Variants in ANK3 observed in about 807,000 individuals in gnomAD.
The protein encoded by ANK3 is ankyrin-3.
In ANK3, 57 loss-of-function variants were observed where a neutral mutation model predicts 370.9. The observed-to-expected ratio is 0.15, with a 90% CI of 0.12 to 0.19. ANK3 has a LOEUF of 0.19. Ranked by LOEUF, ANK3 falls within the 10% of genes least tolerant of loss-of-function variation. ANK3 has a pLI of 1.00. For missense variants in ANK3, 4,439 were observed against 5,302.1 expected (o/e 0.84, Z 5.06); for synonymous variants, 1,929 against 1,946.3 (o/e 0.99, Z 0.23).
intron 1 of ANK3, among the ~76,000 whole-genome samples, chr10:60,647,510 C>T (rs1021333892): frequency 6.6e-6 from 1 of 151,740 alleles, no homozygotes; most frequent in Non-Finnish European, 1.5e-5. Flanking sequence ...ATTTAAAATG[C>T]CCTATAACAA....
intron 2 of ANK3, among the ~76,000 whole-genome samples, chr10:60,577,564 C>G (rs1448776517): frequency 1.3e-5 from 2 of 152,076 alleles, no homozygotes; most frequent in African/African-American, 4.8e-5. Flanking sequence ...GTTACTCTCT[C>G]TTGTTTGCCA....
At chr10:60,305,194 C>T (rs915879520) in intron 1 of ANK3, among the ~76,000 whole-genome samples, 1 of 152,182 alleles carries the variant, frequency 6.6e-6, no homozygotes, top group African/African-American at 2.4e-5. Flanking sequence ...GCTAACTTCC[C>T]TGAAGCTGCA....
At chr10:60,635,333 G>A (rs1455893864) in intron 1 of ANK3, among the ~76,000 whole-genome samples, 1 of 152,056 alleles carries the variant, frequency 6.6e-6, no homozygotes, top group Non-Finnish European at 1.5e-5. Context: ...ATAAACTCAT[G>A]TAATTAGAGT....
intron 2 of ANK3, among the ~76,000 whole-genome samples, chr10:60,519,019 T>G (rs1181043944): frequency 6.6e-6 from 1 of 152,134 alleles, no homozygotes; most frequent in Non-Finnish European, 1.5e-5. Flanking sequence ...TTATTTCCCC[T>G]TTATAATAAA....
Position 60,075,381 on chromosome 10 carries a change from G to A in ANK3, c.5500C>T (p.Pro1834Ser), listed in dbSNP as rs1359981020. ...GAGTCTGGAAGTTTCTTTAATGCTG[G>A]TTCTGGCAAAACATTGACTACAGAG... is the stretch of plus-strand genomic sequence containing the variant. ...VYSVVNVLPE[P>S]ALKKLPDSNS... The change falls in exon 37 of 44, where the codon CCA (proline) becomes TCA (serine). Residue 1834 changes from proline to serine, a missense_variant. Transcript: ENST00000280772. The A allele has an allele frequency of 6.2e-7, 1 of 1,614,020 alleles. No homozygotes were observed. Among genetic ancestry groups the A allele is most frequent in the African/African-American group, 1.3e-5 (1 of 75,056 alleles).
intron 1 of ANK3, among the ~76,000 whole-genome samples, chr10:60,351,274 T>C (rs1566780678): frequency 6.6e-6 from 1 of 152,160 alleles, no homozygotes; most frequent in African/African-American, 2.4e-5. Flanking sequence ...AGTTTTTCTT[T>C]GGGGGCAATC....
intron 4 of ANK3, among the ~76,000 whole-genome samples, chr10:60,277,418 A>G (rs1220504310): frequency 6.6e-6 from 1 of 152,226 alleles, no homozygotes; most frequent in Non-Finnish European, 1.5e-5. Flanking sequence ...TTATAACTGG[A>G]TTCATATATG....
At chr10:60,219,183 C>T (rs1048788253) in intron 8 of ANK3, among the ~76,000 whole-genome samples, 2 of 152,030 alleles carry the variant, frequency 1.3e-5, no homozygotes, top group Non-Finnish European at 2.9e-5. Context: ...ATTCCTCTAA[C>T]CTTTTATCAA....
chr10:60,301,622 G>C (rs569962972), intron 1 of ANK3, among the ~76,000 whole-genome samples: 1 of 151,974 alleles, frequency 6.6e-6, no homozygotes, highest in African/African-American at 2.4e-5. Flanking sequence ...CATGTTGGTT[G>C]GCCAGGCTGG....
chr10:60,102,560 G>C (rs542803425), intron 28 of ANK3, among the ~76,000 whole-genome samples: 15 of 152,194 alleles, frequency 9.9e-5, no homozygotes, highest in African/African-American at 3.1e-4. Flanking sequence ...CATTACATGG[G>C]GCAAATTATC....
At chr10:60,502,124 AG>A (rs753474487) in intron 2 of ANK3, among the ~76,000 whole-genome samples, 5 of 152,206 alleles carry the variant, frequency 3.3e-5, no homozygotes, top group Non-Finnish European at 7.4e-5. Context: ...CAGCTAGAAA[AG>A]TTTTAGCTCA....
intron 2 of ANK3, among the ~76,000 whole-genome samples, chr10:60,543,641 A>T (rs549656441): frequency 6.6e-6 from 1 of 152,174 alleles, no homozygotes; most frequent in South Asian, 2.1e-4. Context: ...CTGGATAGGT[A>T]CCCACTATTT....
chr10:60,176,447 C>T (rs1467446073), intron 18 of ANK3, among the ~76,000 whole-genome samples: 3 of 151,838 alleles, frequency 2.0e-5, no homozygotes, highest in Admixed American at 1.3e-4. Context: ...CAGCCTATTC[C>T]GCTTCTGATA....
chr10:60,545,241 A>C (rs536900470), intron 2 of ANK3, among the ~76,000 whole-genome samples: 1 of 152,184 alleles, frequency 6.6e-6, no homozygotes, highest in South Asian at 2.1e-4. Flanking sequence ...CAAATCATAC[A>C]AGAAAGATAC....
At chr10:60,290,237 T>C (rs989542437) in intron 1 of ANK3, among the ~76,000 whole-genome samples, 1 of 152,190 alleles carries the variant, frequency 6.6e-6, no homozygotes, top group Non-Finnish European at 1.5e-5. Flanking sequence ...ATTTCTCTTT[T>C]TAAGAGATTG....
intron 23 of ANK3, among the ~76,000 whole-genome samples, chr10:60,155,124 T>G (rs2095289434): frequency 6.6e-6 from 1 of 152,046 alleles, no homozygotes; most frequent in African/African-American, 2.4e-5. Context: ...AAAAATTAAG[T>G]AGCAATCACA....
intron 2 of ANK3, among the ~76,000 whole-genome samples, chr10:60,562,421 C>T (rs376875130): frequency 1.4e-5 from 2 of 146,906 alleles, no homozygotes; most frequent in South Asian, 2.2e-4. Flanking sequence ...GGGGGGCATC[C>T]GTGGGGTAGG....
intron 23 of ANK3, among the ~76,000 whole-genome samples, chr10:60,143,843 G>C (rs916334993): frequency 6.6e-6 from 1 of 152,172 alleles, no homozygotes; most frequent in African/African-American, 2.4e-5. Context: ...ACAGTGGTTT[G>C]GGGGAAGCCA....
At chr10:60,312,888 T>A (rs1424362031) in intron 1 of ANK3, among the ~76,000 whole-genome samples, 6 of 152,162 alleles carry the variant, frequency 3.9e-5, no homozygotes, top group Non-Finnish European at 7.3e-5. Context: ...TTCTCTGCAG[T>A]TTGCTCTAGT....
Sources: allele counts gnomAD v4.1 joint callset (sites outside exome capture counted in the v4.1 genomes callset), GRCh38; gene constraint gnomAD v4.1.1; transcripts MANE v1.5; gene names NCBI Gene and HGNC (gene_info 2026-07-23, HGNC 2026-07-21).